DPP6: variants seen among roughly 807,000 people sequenced by gnomAD.
DPP6 encodes the protein A-type potassium channel modulatory protein DPP6.
Under a neutral mutation model 122.6 loss-of-function variants are expected in DPP6, and 69 were observed. The ratio of observed to expected loss-of-function variants is 0.56; its 90% CI spans 0.46 to 0.69. The LOEUF (loss-of-function observed/expected upper bound fraction) is 0.69. DPP6 is among the 30% of genes least tolerant of loss of function. The pLI is 0.00. For synonymous variants in DPP6, 418 were observed against 433.1 expected, an observed-to-expected ratio of 0.97 and a Z score of 0.43; for missense variants, 928 against 1,116.9, an observed-to-expected ratio of 0.83 and a Z score of 2.41.
chr7:154,856,130 G>A (rs571171231), intron 17 of DPP6, among the ~76,000 whole-genome samples: 28 of 152,258 alleles, frequency 1.8e-4, no homozygotes, highest in Non-Finnish European at 3.2e-4. Flanking sequence ...CTAATCTGTG[G>A]TCTAATAAAA....
Position 154,241,219 on chromosome 7 carries a change from G to GTGTGTGTGTGTGTGTA in DPP6, c.243+188157_243+188158insGTGTGTGTGTGTGTAT, listed in dbSNP as rs1444102599. 8.4e-5 allele frequency among the ~76,000 whole-genome samples: 12 copies of GTGTGTGTGTGTGTGTA among 142,866 alleles called. No homozygotes were observed. The highest frequency in any genetic ancestry group is 6.8e-4 in the Admixed American group (10 of 14,636). The allele number at this position is 142,866 out of a possible 152,430, so 93.7% of individuals were successfully genotyped here. A position where few individuals can be genotyped will look rare whatever the true frequency, so the allele number is the denominator to read the frequency against. On this transcript the variant is annotated intron_variant, in intron 1 of 25. Coordinates refer to ENST00000377770, the MANE Select transcript of DPP6 (RefSeq NM_130797.4). This position sits in a 1 kb window ranked among gnomAD's most constrained non-coding sequence, Gnocchi z 9.0. ...TGTGTGTGTGTGTGTGTGTGTGTGTGTATATATATATAGAGAGAGAGAGAG... is the reference window on the plus strand; with the variant it reads ...TGTGTGTGTGTGTGTGTGTGTGTGTGTGTGTGTGTGTGTGTATATATATATATAGAGAGAGAGAGAG...
intron 8 of DPP6, among the ~76,000 whole-genome samples, chr7:154,734,179 C>G (rs371603304): frequency 6.6e-6 from 1 of 152,250 alleles, no homozygotes; most frequent in African/African-American, 2.4e-5. Context: ...GAGACAGGCT[C>G]TCACTATGTT....
chr7:153,826,273 G>A, the DPP6 span, among the ~76,000 whole-genome samples: 1 of 152,180 alleles, frequency 6.6e-6, no homozygotes, highest in Admixed American at 6.5e-5. Context: ...TTGGGAATGG[G>A]CCTCATAGGT....
At chr7:153,958,292 T>C (rs1051944034) in intron 1 of DPP6, among the ~76,000 whole-genome samples, 12 of 152,160 alleles carry the variant, frequency 7.9e-5, no homozygotes, top group Non-Finnish European at 1.6e-4. Context: ...CACTTGTAAG[T>C]GGGCTTTGTC....
At chr7:154,565,216 C>A (rs1449654926) in intron 4 of DPP6, among the ~76,000 whole-genome samples, 1 of 152,254 alleles carries the variant, frequency 6.6e-6, no homozygotes, top group South Asian at 2.1e-4. Context: ...AATGTTTAGA[C>A]TAGAGGTTCA....
At chr7:154,642,453 G>A (rs182135693) in intron 6 of DPP6, among the ~76,000 whole-genome samples, 1 of 152,102 alleles carries the variant, frequency 6.6e-6, no homozygotes, top group Admixed American at 6.5e-5. Flanking sequence ...AGCTGGGCAT[G>A]GTGGCGGGTA....
At position 154,060,525 on chromosome 7, in the gene DPP6, T is replaced by TGTTAGGTG. The variant is rs1801632025; in HGVS notation, c.243+7463_243+7470dup. 3.8e-5 allele frequency among the ~76,000 whole-genome samples: 5 copies of TGTTAGGTG among 132,030 alleles called. No homozygotes were observed. In the Admixed American group the frequency reaches 3.8e-4, roughly 10 times the overall value. 86.6% of individuals were successfully genotyped at this position (132,030 alleles called of 152,430 possible). On this transcript the variant is annotated intron_variant, in intron 1 of 25. Transcript: ENST00000377770. Reference sequence around the variant, plus strand: ...TAGGACCCACCTGGAGGACTGCGGGTGTTAGGTGTCCAAGTAGAAAGTTCA... The same window carrying TGTTAGGTG: ...TAGGACCCACCTGGAGGACTGCGGGTGTTAGGTGGTTAGGTGTCCAAGTAGAAAGTTCA...
rs900518085 is a variant in DPP6, at chr7:154,877,706, C to T, written c.2078+1606C>T. Among the ~76,000 whole-genome samples the T allele has an allele frequency of 5.9e-5, 9 of 152,164 alleles. No homozygotes were observed. Among genetic ancestry groups the T allele is most frequent in the African/African-American group, 2.2e-4 (9 of 41,452 alleles). The stretch of plus-strand genomic sequence containing the variant: ...AAGGAAAGGAAAGTCTCCCCACAAG[C>T]AGACAGCAAACCTCTCCTTCCATCT... On this transcript the variant is annotated intron_variant, in intron 20 of 25. Transcript: ENST00000377770. The surrounding 1 kb of genome is among the most constrained non-coding windows in gnomAD (Gnocchi z 5.2).
intron 1 of DPP6, among the ~76,000 whole-genome samples, chr7:154,209,246 T>A (rs1438922464): frequency 2.0e-5 from 3 of 152,216 alleles, no homozygotes; most frequent in Non-Finnish European, 4.4e-5. Flanking sequence ...TTCAGCCTAT[T>A]CAGTGCATTC....
At chr7:154,651,413 T>A (rs775644069) in intron 6 of DPP6, among the ~76,000 whole-genome samples, 22 of 152,274 alleles carry the variant, frequency 1.4e-4, no homozygotes, top group Non-Finnish European at 1.8e-4. Context: ...CCTATTCCCC[T>A]TTTTTCCTAG....
At chr7:154,152,256 CAGG>C (rs765595822) in intron 1 of DPP6, among the ~76,000 whole-genome samples, 5 of 152,074 alleles carry the variant, frequency 3.3e-5, no homozygotes, top group Non-Finnish European at 7.4e-5. Flanking sequence ...AATTTTTTCA[CAGG>C]AGGCAGCTGC....
intron 4 of DPP6, among the ~76,000 whole-genome samples, chr7:154,562,093 C>A (rs979599113): frequency 6.6e-6 from 1 of 152,048 alleles, no homozygotes; most frequent in Non-Finnish European, 1.5e-5. Flanking sequence ...AAATTCATTT[C>A]TTAGGGCAGT....
chr7:154,315,619 T>C (rs1029884440), intron 1 of DPP6, among the ~76,000 whole-genome samples: 1 of 151,992 alleles, frequency 6.6e-6, no homozygotes, highest in African/African-American at 2.4e-5. Flanking sequence ...CCATCACCTC[T>C]GGGGGGCTGT....
the DPP6 span, among the ~76,000 whole-genome samples, chr7:153,799,899 C>A: frequency 3.9e-5 from 6 of 152,112 alleles, no homozygotes; most frequent in African/African-American, 1.2e-4. Context: ...CTAAAGTATT[C>A]CTTTTTAGAC....
chr7:154,136,411 G>T (rs1256094885), intron 1 of DPP6, among the ~76,000 whole-genome samples: 2 of 152,158 alleles, frequency 1.3e-5, no homozygotes, highest in Non-Finnish European at 2.9e-5. Context: ...AAATTTAAAA[G>T]TGGGCTTGGG....
At chr7:154,003,028 A>G (rs191603892) in intron 1 of DPP6, among the ~76,000 whole-genome samples, 1 of 152,298 alleles carries the variant, frequency 6.6e-6, no homozygotes, top group East Asian at 1.9e-4. Context: ...AGGAGAAAAA[A>G]GGAAAGAGGG....
intron 1 of DPP6, among the ~76,000 whole-genome samples, chr7:154,406,478 T>TAC (rs35978383): frequency 8.2e-5 from 12 of 146,716 alleles, no homozygotes; most frequent in Middle Eastern, 3.5e-3. Context: ...CGCACACGCA[T>TAC]ACACACACAC....
intron 1 of DPP6, among the ~76,000 whole-genome samples, chr7:154,366,950 A>G (rs1812241279): frequency 6.6e-6 from 1 of 152,160 alleles, no homozygotes; most frequent in Non-Finnish European, 1.5e-5. Context: ...GCACGCATGG[A>G]AAACGTTCTG....
chr7:154,237,180 G>T (rs1007453290), intron 1 of DPP6, among the ~76,000 whole-genome samples: 14 of 152,208 alleles, frequency 9.2e-5, no homozygotes, highest in Non-Finnish European at 1.6e-4. Flanking sequence ...GAGTTTAGGG[G>T]CAGTGTTTTG....
Sources: allele counts gnomAD v4.1 joint callset (sites outside exome capture counted in the v4.1 genomes callset), GRCh38; gene constraint gnomAD v4.1.1; non-coding constraint Gnocchi (gnomAD v3.1); transcripts MANE v1.5; gene names NCBI Gene and HGNC (gene_info 2026-07-23, HGNC 2026-07-21).